DIAPH3: variants seen among roughly 807,000 people sequenced by gnomAD.
DIAPH3 encodes the protein protein diaphanous homolog 3.
DIAPH3 carries 117 observed loss-of-function variants against 144.3 expected under a neutral mutation model. That is an observed-to-expected ratio of 0.81 (90% confidence interval 0.70 to 0.95). The LOEUF (loss-of-function observed/expected upper bound fraction) is 0.95, where lower values mean the gene tolerates loss of function less well. DIAPH3 is among the 40% of genes least tolerant of loss of function. The pLI, the probability that DIAPH3 is intolerant of heterozygous loss-of-function variation, is 0.00. For missense variants in DIAPH3, 1,421 were observed against 1,412.7 expected, an observed-to-expected ratio of 1.01 and a Z score of -0.09; for synonymous variants, 519 against 488.9, an observed-to-expected ratio of 1.06 and a Z score of -0.81.
At chr13:59,947,503 GATTTA>G (rs763230400) in intron 17 of DIAPH3, among the ~76,000 whole-genome samples, 9 of 152,200 alleles carry the variant, frequency 5.9e-5, no homozygotes, top group Middle Eastern at 6.8e-3. Flanking sequence ...CTAAATTTGT[GATTTA>G]ATTTAAAGAC....
At chr13:59,698,440 T>C (rs917450428) in intron 27 of DIAPH3, among the ~76,000 whole-genome samples, 1 of 152,142 alleles carries the variant, frequency 6.6e-6, no homozygotes, top group Non-Finnish European at 1.5e-5. Flanking sequence ...ATAAATGAAG[T>C]AACAACAGAC....
intron 27 of DIAPH3, among the ~76,000 whole-genome samples, chr13:59,684,204 G>A (rs2033097201): frequency 6.6e-6 from 1 of 152,162 alleles, no homozygotes; most frequent in African/African-American, 2.4e-5. Context: ...TGCAAGGTTG[G>A]GAAGCATCTG....
At chr13:59,809,504 A>C (rs1189773315) in intron 25 of DIAPH3, among the ~76,000 whole-genome samples, 9 of 61,252 alleles carry the variant, frequency 1.5e-4, no homozygotes, top group Admixed American at 9.1e-4. Context: ...CTCCATCTCA[A>C]AAAAAAAAAA....
chr13:59,738,203 T>G lies in DIAPH3; in HGVS notation c.3319+35986A>C, dbSNP rs868505681. 8.5e-5 allele frequency among the ~76,000 whole-genome samples: 13 copies of G among 152,086 alleles called. No individual in the cohort carries two copies. The Middle Eastern group carries it at 0.01, about 119-fold the overall frequency. Reference sequence around the variant, plus strand: ...AACAAAATAAATTAAAATAAACAATTACCTGATATCTAGAATTCTTTGACC... The same window carrying G: ...AACAAAATAAATTAAAATAAACAATGACCTGATATCTAGAATTCTTTGACC... On this transcript the variant is annotated intron_variant, in intron 27 of 27. Coordinates refer to ENST00000400324, the MANE Select transcript of DIAPH3 (RefSeq NM_001042517.2).
chr13:59,820,373 G>T (rs2041002095), intron 24 of DIAPH3, among the ~76,000 whole-genome samples: 1 of 151,976 alleles, frequency 6.6e-6, no homozygotes, highest in Admixed American at 6.6e-5. Flanking sequence ...CTCAAGTCTA[G>T]CTATTATACC....
At chr13:59,668,807 A>T (rs550073374) in intron 27 of DIAPH3, among the ~76,000 whole-genome samples, 1 of 149,966 alleles carries the variant, frequency 6.7e-6, no homozygotes, top group South Asian at 2.1e-4. Flanking sequence ...GCAAATTATT[A>T]AAACTATATA....
intron 22 of DIAPH3, among the ~76,000 whole-genome samples, chr13:59,843,146 T>C (rs1235685367): frequency 6.6e-6 from 1 of 152,208 alleles, no homozygotes; most frequent in Non-Finnish European, 1.5e-5. Flanking sequence ...AAAATATGTG[T>C]CACTCAGGAA....
intron 9 of DIAPH3, among the ~76,000 whole-genome samples, chr13:60,000,980 G>T (rs1171547413): frequency 6.6e-6 from 1 of 152,132 alleles, no homozygotes; most frequent in African/African-American, 2.4e-5. Context: ...GAGATTTGTG[G>T]TCTTCTGTCT....
intron 21 of DIAPH3, among the ~76,000 whole-genome samples, chr13:59,877,901 C>T (rs935094372): frequency 6.6e-6 from 1 of 152,082 alleles, no homozygotes; most frequent in Non-Finnish European, 1.5e-5. Flanking sequence ...AGAACATCTG[C>T]TCATCCTTCA....
intron 27 of DIAPH3, among the ~76,000 whole-genome samples, chr13:59,743,095 T>C (rs1257923934): frequency 2.0e-5 from 3 of 152,104 alleles, no homozygotes; most frequent in African/African-American, 7.2e-5. Flanking sequence ...CAAAATCATG[T>C]GGGGAATTCA....
chr13:59,776,537 C>G (rs1304194997), intron 25 of DIAPH3, among the ~76,000 whole-genome samples: 1 of 151,098 alleles, frequency 6.6e-6, no homozygotes. Context: ...AATTTTAAAT[C>G]TTTTTCAAGC....
At chr13:59,827,863 G>A (rs1002273725) in intron 24 of DIAPH3, among the ~76,000 whole-genome samples, 1 of 151,980 alleles carries the variant, frequency 6.6e-6, no homozygotes, top group Non-Finnish European at 1.5e-5. Context: ...ACATGAACAC[G>A]CTACAGCTGT....
At chr13:59,748,286 C>T (rs2036804891) in intron 27 of DIAPH3, among the ~76,000 whole-genome samples, 1 of 152,194 alleles carries the variant, frequency 6.6e-6, no homozygotes. Context: ...GGCGGAATAT[C>T]TACTCTAGTT....
intron 19 of DIAPH3, among the ~76,000 whole-genome samples, chr13:59,915,621 C>T (rs1405066760): frequency 6.6e-6 from 1 of 151,948 alleles, no homozygotes; most frequent in Non-Finnish European, 1.5e-5. Flanking sequence ...TGCTAGTATT[C>T]ATTTGAAAAT....
Position 59,916,254 on chromosome 13 carries a change from G to C in DIAPH3, c.2171-5C>G. 2 of 1,608,124 alleles carry C rather than the reference G, an allele frequency of 1.2e-6. No individual in the cohort carries two copies. The highest frequency in any genetic ancestry group is 2.2e-5 in the South Asian group (2 of 90,952). On this transcript the variant is annotated splice_polypyrimidine_tract_variant and splice_region_variant and intron_variant, in intron 18 of 27. Transcript: ENST00000400324. ...GAAAAGAGCTCAGGAAGATTGCTAA[G>C]AAGGAGAAAGAGAGAAAGGTTTATA...
chr13:59,689,026 T>C (rs1487317857), intron 27 of DIAPH3, among the ~76,000 whole-genome samples: 1 of 152,108 alleles, frequency 6.6e-6, no homozygotes, highest in African/African-American at 2.4e-5. Context: ...ATCTTTATTA[T>C]GTACTAGTCA....
At chr13:59,674,796 T>A (rs938874573) in intron 27 of DIAPH3, among the ~76,000 whole-genome samples, 11 of 152,224 alleles carry the variant, frequency 7.2e-5, no homozygotes, top group Non-Finnish European at 1.3e-4. Context: ...ATGGCATCTG[T>A]TTATCAGTCA....
At chr13:59,923,030 C>A (rs1035288130) in intron 18 of DIAPH3, among the ~76,000 whole-genome samples, 1 of 151,972 alleles carries the variant, frequency 6.6e-6, no homozygotes, top group Non-Finnish European at 1.5e-5. Context: ...GATTAAAGGG[C>A]CAAATACAGA....
intron 20 of DIAPH3, among the ~76,000 whole-genome samples, chr13:59,905,766 A>G (rs2046702524): frequency 6.6e-6 from 1 of 152,194 alleles, no homozygotes; most frequent in Non-Finnish European, 1.5e-5. Context: ...GATGCCAAAA[A>G]TAGAAGTCAG....
Sources: allele counts gnomAD v4.1 joint callset (sites outside exome capture counted in the v4.1 genomes callset), GRCh38; gene constraint gnomAD v4.1.1; transcripts MANE v1.5; gene names NCBI Gene and HGNC (gene_info 2026-07-23, HGNC 2026-07-21).